The following MS4A14 variants were observed in gnomAD, a reference collection of about 807,000 sequenced individuals.
MS4A14 encodes membrane-spanning 4-domains subfamily A member 14.
MS4A14 carries 18 observed loss-of-function variants against 16.7 expected under a neutral mutation model. That is an observed-to-expected ratio of 1.08 (90% confidence interval 0.75 to 1.60). MS4A14 has a LOEUF of 1.60. Among genes scored for constraint, MS4A14 ranks in the 40% most tolerant of loss-of-function variants. MS4A14 has a pLI of 0.00. For synonymous variants in MS4A14, 305 were observed against 289.4 expected (o/e 1.05, Z -0.55); for missense variants, 812 against 775.3 (o/e 1.05, Z -0.56).
chr11:60,398,670 G>C (rs368831519), intron 2 of MS4A14, among the ~76,000 whole-genome samples: 14 of 152,158 alleles, frequency 9.2e-5, no homozygotes, highest in South Asian at 4.2e-4. Flanking sequence ...ACGAACGAAT[G>C]AATCAATCAA....
intron 2 of MS4A14, among the ~76,000 whole-genome samples, chr11:60,400,120 T>C (rs575646853): frequency 6.6e-6 from 1 of 152,246 alleles, no homozygotes; most frequent in Admixed American, 6.5e-5. Context: ...GAATCTCTTT[T>C]TGGAGCCCCA....
chr11:60,403,607 A>G (rs956183198), intron 4 of MS4A14, among the ~76,000 whole-genome samples: 1 of 152,218 alleles, frequency 6.6e-6, no homozygotes, highest in Admixed American at 6.5e-5. Flanking sequence ...TGGCAATTTT[A>G]TTCATTAAAG....
intron 2 of MS4A14, among the ~76,000 whole-genome samples, chr11:60,398,885 G>A (rs988902191): frequency 1.3e-5 from 2 of 152,146 alleles, no homozygotes; most frequent in African/African-American, 4.8e-5. Flanking sequence ...ATGCCATACT[G>A]TAGAAAATCA....
intron 4 of MS4A14, 86 bp downstream of exon 4, chr11:60,403,147 A>T: frequency 7.0e-7 from 1 of 1,434,774 alleles, no homozygotes; most frequent in Non-Finnish European, 9.8e-7. Context: ...TTTTTATTTT[A>T]TTAAATGAAG....
chr11:60,410,362 A>C (rs79028761), intron 4 of MS4A14, among the ~76,000 whole-genome samples: 4,909 of 152,250 alleles, frequency 0.032, 99 homozygotes, highest in Non-Finnish European at 0.051. Context: ...TTAGTCCCTC[A>C]GTAGACATAT....
chr11:60,416,421 C>A lies in MS4A14; in HGVS notation c.1453C>A (p.Arg485=), dbSNP rs376488191. The part of the protein sequence containing the change: ...EELHRRKSSR[R]HSLNQQTKAL... ...ACTCCATAGAAGAAAATCCTCAAGA[C>A]GGCATTCCTTAAACCAGCAAACCAA... The change falls in exon 5 of 5, where the codon CGG becomes AGG. Residue 485 remains arginine, a synonymous_variant. Transcript: ENST00000300187. 2 of 1,613,944 alleles carry A rather than the reference C, an allele frequency of 1.2e-6. No homozygotes were observed. The highest frequency in any genetic ancestry group is 3.3e-5 in the Admixed American group (2 of 59,960).
intron 2 of MS4A14, among the ~76,000 whole-genome samples, chr11:60,400,013 A>G (rs983024750): frequency 6.6e-6 from 1 of 152,146 alleles, no homozygotes; most frequent in Non-Finnish European, 1.5e-5. Flanking sequence ...ATCAGTCCCC[A>G]TATCAGCCTT....
rs758281069 is a variant in MS4A14, at chr11:60,416,175, C to A, written c.1207C>A (p.Gln403Lys). The A allele has an allele frequency of 6.2e-7, 1 of 1,613,522 alleles. No individual in the cohort carries two copies. Among genetic ancestry groups the A allele is most frequent in the Non-Finnish European group, 8.5e-7 (1 of 1,179,846 alleles). The change falls in exon 5 of 5, where the codon CAA becomes AAA. Residue 403 changes from glutamine to lysine, a missense_variant. Coordinates refer to ENST00000300187, the MANE Select transcript of MS4A14 (RefSeq NM_032597.5). ...CATGCCACCTCAAGACATACCTTCC[C>A]AAGATATGCTATCCCAAGCTCTATC... ...HAMPPQDIPSQDMLSQALSAH... is the reference protein window; with the variant it reads ...HAMPPQDIPSKDMLSQALSAH...
chr11:60,416,863 A>G lies in MS4A14; in HGVS notation c.1895A>G (p.Gln632Arg). Residue 632 changes from glutamine (Q) to arginine (R), a missense_variant, in exon 5 of 5, where the codon CAG becomes CGG. Physicochemically the swap from Gln to Arg is conservative, Grantham distance 43. Coordinates refer to ENST00000300187, the MANE Select transcript of MS4A14 (RefSeq NM_032597.5). ...QNVQAEGQQA[Q>R]VEKVPKLLCQ... ...GTTCAAGCCGAAGGACAGCAAGCTC[A>G]GGTGGAGAAAGTGCCAAAACTGTTA... 1 of 1,613,836 alleles carries G rather than the reference A, an allele frequency of 6.2e-7. No homozygotes were observed. The highest frequency in any genetic ancestry group is 1.1e-5 in the South Asian group (1 of 91,074).
intron 4 of MS4A14, among the ~76,000 whole-genome samples, chr11:60,408,764 T>C (rs955764482): frequency 3.3e-5 from 5 of 152,176 alleles, no homozygotes; most frequent in African/African-American, 1.2e-4. Context: ...GTTACGAACA[T>C]TGGTGTAAAA....
In MS4A14 at chr11:60,397,741, G is replaced by A. The variant is rs190602426; in HGVS notation, c.139-111G>A. ...AATGATTGACAAATGAGAGAGGAAG[G>A]CATTTGGATGGAGGGAAAGGTGTGC... On this transcript the variant is annotated intron_variant, in intron 1 of 4. Transcript: ENST00000300187. 4.8e-3 allele frequency: 4,442 copies of A among 932,122 alleles called. 16 individuals carry two copies. The highest frequency in any genetic ancestry group is 7.3e-3 in the Middle Eastern group (32 of 4,382). 57.7% of individuals were successfully genotyped at this position (932,122 alleles called of 1,614,324 possible). A position where few individuals can be genotyped will look rare whatever the true frequency, so the allele number is the denominator to read the frequency against.
Position 60,416,736 on chromosome 11 carries a change from C to T in MS4A14, c.1768C>T (p.Gln590Ter), listed in dbSNP as rs761374359. The T allele has an allele frequency of 6.2e-7, 1 of 1,613,658 alleles. No homozygotes were observed. Among genetic ancestry groups the T allele is most frequent in the Non-Finnish European group, 8.5e-7 (1 of 1,179,838 alleles). ...TAAAGATGGACAAGTTAAAGACCAG[C>T]AGACTGATAAGGAGCAAAACTCAAA... ...QSKDGQVKDQ[Q>*]TDKEQNSKKQ... Residue 590 changes from glutamine to a stop codon, truncating the protein, a stop_gained, in exon 5 of 5, where the codon CAG becomes TAG. Coordinates refer to ENST00000300187, the MANE Select transcript of MS4A14 (RefSeq NM_032597.5). LOFTEE classifies it low-confidence loss of function (END_TRUNC).
rs1160639114 is a variant in MS4A14 at position 60,415,479 on chromosome 11, C to G, written c.511C>G (p.Gln171Glu). The G allele has an allele frequency of 6.2e-7, 1 of 1,612,724 alleles. No homozygotes were observed. The highest frequency in any genetic ancestry group is 1.3e-5 in the African/African-American group (1 of 74,972). ...LPSDVTQNSE[Q>E]PAPEENDQLQ... The stretch of plus-strand genomic sequence containing the variant: ...TTCGGATGTTACTCAAAATAGTGAA[C>G]AACCTGCCCCAGAAGAAAATGATCA... Residue 171 changes from glutamine (Q) to glutamate (E), a missense_variant, in exon 5 of 5, where the codon CAA becomes GAA. By Grantham distance (29) the Gln-to-Glu change is conservative (BLOSUM62 2). Transcript: ENST00000300187.
chr11:60,413,835 T>A (rs779164860), intron 4 of MS4A14, among the ~76,000 whole-genome samples: 1 of 152,090 alleles, frequency 6.6e-6, no homozygotes, highest in Non-Finnish European at 1.5e-5. Flanking sequence ...TTTCATTTGG[T>A]CTTTAGTCTT....
At chr11:60,397,398 G>A (rs1590803639) in intron 1 of MS4A14, among the ~76,000 whole-genome samples, 1 of 152,144 alleles carries the variant, frequency 6.6e-6, no homozygotes, top group East Asian at 1.9e-4. Context: ...AGACAACTGG[G>A]ATGAGCCCCA....
At chr11:60,402,865 T>C (rs1376809052) in intron 3 of MS4A14, 47 bp from the exon 4 acceptor site, 3 of 1,581,282 alleles carry the variant, frequency 1.9e-6, no homozygotes, top group East Asian at 4.5e-5. Context: ...ATATTTTTGC[T>C]TTGGTTTCGA....
chr11:60,415,902 C>T lies in MS4A14; in HGVS notation c.934C>T (p.Leu312Phe). 6.2e-7 allele frequency: 1 copy of T among 1,613,974 alleles called. No individual in the cohort carries two copies. The highest frequency in any genetic ancestry group is 8.5e-7 in the Non-Finnish European group (1 of 1,179,934). Residue 312 changes from leucine to phenylalanine, a missense_variant, in exon 5 of 5, where the codon CTC (leucine) becomes TTC (phenylalanine). Coordinates refer to ENST00000300187, the MANE Select transcript of MS4A14 (RefSeq NM_032597.5). Reference sequence around the variant, plus strand: ...TTTTCCATCCCATTCTGCACTAAAACTCGAAGATATATCACCTGAAGACTT... The same window carrying T: ...TTTTCCATCCCATTCTGCACTAAAATTCGAAGATATATCACCTGAAGACTT... ...QVFPSHSALKLEDISPEDLPS... is the reference protein window; with the variant it reads ...QVFPSHSALKFEDISPEDLPS...
intron 4 of MS4A14, among the ~76,000 whole-genome samples, chr11:60,404,350 A>T (rs909363644): frequency 1.3e-5 from 2 of 152,150 alleles, no homozygotes; most frequent in African/African-American, 4.8e-5. Flanking sequence ...TGGGCTTTAG[A>T]TGTCTCTTGG....
At chr11:60,408,673 T>C (rs1037152157) in intron 4 of MS4A14, among the ~76,000 whole-genome samples, 1 of 152,208 alleles carries the variant, frequency 6.6e-6, no homozygotes, top group African/African-American at 2.4e-5. Flanking sequence ...TTCCATTTTG[T>C]GTATATACCA....
Sources: gnomAD v4.1 joint callset for allele counts (sites outside exome capture counted in the v4.1 genomes callset) on GRCh38, gnomAD v4.1.1 for gene constraint, MANE v1.5 for transcripts, NCBI Gene and HGNC (gene_info 2026-07-23, HGNC 2026-07-21) for gene names.